Variants in M1AP observed in about 807,000 individuals in gnomAD.
The protein encoded by M1AP is meiosis 1 arrest protein.
In M1AP, 39 loss-of-function variants were observed where a neutral mutation model predicts 51.2. The observed-to-expected ratio is 0.76, with a 90% CI of 0.59 to 1.00. The LOEUF (loss-of-function observed/expected upper bound fraction) is 1.00. Ranked by LOEUF, M1AP falls within the 50% of genes least tolerant of loss-of-function variation. M1AP has a pLI of 0.00. For synonymous variants in M1AP, 251 were observed against 249.2 expected, an observed-to-expected ratio of 1.01 and a Z score of -0.07; for missense variants, 545 against 641.2, an observed-to-expected ratio of 0.85 and a Z score of 1.62.
chr2:74,576,291 G>A (rs1679061302), intron 6 of M1AP, among the ~76,000 whole-genome samples, 165 bp downstream of exon 6: 1 of 152,208 alleles, frequency 6.6e-6, no homozygotes, highest in African/African-American at 2.4e-5. Context: ...TCCACATGCT[G>A]AGTAGCCTGT....
chr2:74,621,770 G>T (rs907226011), intron 2 of M1AP, among the ~76,000 whole-genome samples: 4 of 151,800 alleles, frequency 2.6e-5, no homozygotes, highest in Admixed American at 2.6e-4. Flanking sequence ...TCCAGCCTGG[G>T]AAACAGAGCG....
chr2:74,559,323 A>G (rs1290433411), intron 10 of M1AP, among the ~76,000 whole-genome samples: 1 of 151,960 alleles, frequency 6.6e-6, no homozygotes, highest in Non-Finnish European at 1.5e-5. Context: ...ACTCCTGGCT[A>G]ATTTTTTTTG....
intron 7 of M1AP, among the ~76,000 whole-genome samples, chr2:74,563,022 G>C (rs1029366268): frequency 8.5e-5 from 13 of 152,138 alleles, no homozygotes; most frequent in African/African-American, 1.2e-4. Flanking sequence ...AAGTCTGGTT[G>C]TTTGCTAACA....
intron 4 of M1AP, among the ~76,000 whole-genome samples, chr2:74,585,838 T>A (rs1415592573): frequency 6.6e-6 from 1 of 152,250 alleles, no homozygotes; most frequent in Non-Finnish European, 1.5e-5. Context: ...ATTATGGCAG[T>A]AGCTTCTTAA....
In M1AP at chr2:74,581,739, T is replaced by C. The variant is rs753413001; in HGVS notation, c.704A>G (p.Glu235Gly). 1 of 1,614,138 alleles carries C rather than the reference T, an allele frequency of 6.2e-7. No individual in the cohort carries two copies. The highest frequency in any genetic ancestry group is 1.7e-5 in the Admixed American group (1 of 60,022). Reference sequence around the variant, plus strand: ...TGAAGAAAGAAGAAGATGGATTTGTTCTTGGTCTGTTCCACTGTTATGTAG... The same window carrying C: ...TGAAGAAAGAAGAAGATGGATTTGTCCTTGGTCTGTTCCACTGTTATGTAG... ...AWLHNSGTDQ[E>G]QIHLLLSSQC... Residue 235 changes from glutamate to glycine, a missense_variant, in exon 5 of 11, where the codon GAA (glutamate) becomes GGA (glycine). By Grantham distance (98) the Glu-to-Gly change is moderately conservative (BLOSUM62 -2). Coordinates refer to ENST00000421985, the MANE Select transcript of M1AP (RefSeq NM_001321739.2).
At chr2:74,645,579 G>A (rs1039848814) in intron 1 of M1AP, among the ~76,000 whole-genome samples, 2 of 152,152 alleles carry the variant, frequency 1.3e-5, no homozygotes, top group Non-Finnish European at 2.9e-5. Flanking sequence ...GCAACACTCA[G>A]AAGTTACCAT....
At position 74,560,193 on chromosome 2, in the gene M1AP, CT is replaced by C. The variant is rs757186478; in HGVS notation, c.1379del (p.Gln460ArgfsTer37). 27 of 1,613,852 alleles carry C rather than the reference CT, an allele frequency of 1.7e-5. No homozygotes were observed. In the African/African-American group the frequency reaches 2.8e-4, roughly 17 times the overall value. On this transcript the variant is annotated frameshift_variant, in exon 9 of 11. Coordinates refer to ENST00000421985, the MANE Select transcript of M1AP (RefSeq NM_001321739.2). LOFTEE classifies it high-confidence loss of function. ...TCTCCCAGTGTGGGTGGAGCCGCCC[CT>C]GAGGCTTGGCATAGATGCTGCTCAG... ...SHLSSIYAKP[Q>X]GRLHPHWESR...
chr2:74,630,693 T>G (rs896697319), intron 2 of M1AP, among the ~76,000 whole-genome samples: 2 of 151,824 alleles, frequency 1.3e-5, no homozygotes, highest in East Asian at 3.8e-4. Flanking sequence ...TAGTATTCCA[T>G]GGTGTGTATG....
Position 74,559,247 on chromosome 2 carries a change from C to T in M1AP, c.1435-373G>A, listed in dbSNP as rs192786357. On this transcript the variant is annotated intron_variant, in intron 10 of 10. Coordinates refer to ENST00000421985, the MANE Select transcript of M1AP (RefSeq NM_001321739.2). ...AATCTTGGCTCACTGCAGCCTTGACCTCCTGGGCTCAAGCAATCCCCCGAC... is the reference window on the plus strand; with the variant it reads ...AATCTTGGCTCACTGCAGCCTTGACTTCCTGGGCTCAAGCAATCCCCCGAC... 2.0e-5 allele frequency among the ~76,000 whole-genome samples: 3 copies of T among 152,252 alleles called. No homozygotes were observed. The East Asian group carries it at 5.8e-4, about 29-fold the overall frequency.
chr2:74,631,229 G>A (rs553199588), intron 2 of M1AP, among the ~76,000 whole-genome samples: 1 of 152,212 alleles, frequency 6.6e-6, no homozygotes, highest in South Asian at 2.1e-4. Context: ...ACAGCTTTTA[G>A]AAAATCACTT....
intron 4 of M1AP, among the ~76,000 whole-genome samples, chr2:74,583,213 T>C (rs1341985658): frequency 6.6e-6 from 1 of 152,150 alleles, no homozygotes; most frequent in Non-Finnish European, 1.5e-5. Context: ...AAATGTGTTC[T>C]ATTACTACTT....
intron 2 of M1AP, chr2:74,620,588 T>G (rs573452997): frequency 5.7e-6 from 1 of 174,110 alleles, no homozygotes; most frequent in Non-Finnish European, 1.3e-5. Context: ...GCTACTGCAA[T>G]GCAAAGAAAA....
At chr2:74,638,890 A>G (rs1233955393) in intron 2 of M1AP, among the ~76,000 whole-genome samples, 2 of 152,248 alleles carry the variant, frequency 1.3e-5, no homozygotes, top group Non-Finnish European at 2.9e-5. Context: ...ACAGCAATAA[A>G]CAATGAATAG....
chr2:74,641,973 G>A (rs1182640778), intron 1 of M1AP, among the ~76,000 whole-genome samples: 1 of 151,866 alleles, frequency 6.6e-6, no homozygotes, highest in Non-Finnish European at 1.5e-5. Flanking sequence ...AGCCTCCTGA[G>A]TAGCTGGGAT....
At chr2:74,587,549 C>T (rs1679787277) in intron 4 of M1AP, among the ~76,000 whole-genome samples, 1 of 152,154 alleles carries the variant, frequency 6.6e-6, no homozygotes, top group South Asian at 2.1e-4. Context: ...GCTTTCTACC[C>T]CCGACTACCA....
chr2:74,580,523 C>A (rs565359810), intron 5 of M1AP, among the ~76,000 whole-genome samples: 251 of 152,286 alleles, frequency 1.6e-3, no homozygotes, highest in African/African-American at 5.8e-3. Flanking sequence ...TGACGGCCAT[C>A]CCTAGACAGA....
Position 74,565,004 on chromosome 2 carries a change from T to A in M1AP, c.1075-2581A>T, listed in dbSNP as rs1038599023. Among the ~76,000 whole-genome samples the A allele has an allele frequency of 8.5e-5, 13 of 152,282 alleles. 1 individual carries two copies. Among genetic ancestry groups the A allele is most frequent in the Admixed American group, 8.5e-4 (13 of 15,294 alleles). The stretch of plus-strand genomic sequence containing the variant: ...GGGAAGCTGAGGCGGGCAGATCAAC[T>A]GAGGTTAGGAGTTTGAGACCAGTCT... On this transcript the variant is annotated intron_variant, in intron 7 of 10. Coordinates refer to ENST00000421985, the MANE Select transcript of M1AP (RefSeq NM_001321739.2).
chr2:74,593,432 G>T (rs1680158321), intron 4 of M1AP, among the ~76,000 whole-genome samples: 2 of 152,124 alleles, frequency 1.3e-5, no homozygotes, highest in Non-Finnish European at 2.9e-5. Flanking sequence ...TCAGGCTGGA[G>T]TACAGTGGTG....
chr2:74,622,426 C>T (rs1329621348), intron 2 of M1AP, among the ~76,000 whole-genome samples: 1 of 151,620 alleles, frequency 6.6e-6, no homozygotes, highest in Non-Finnish European at 1.5e-5. Flanking sequence ...TTAGTAGAGA[C>T]GGGGTTTCGC....
Sources: gnomAD v4.1 joint callset for allele counts (sites outside exome capture counted in the v4.1 genomes callset) on GRCh38, gnomAD v4.1.1 for gene constraint, MANE v1.5 for transcripts, NCBI Gene and HGNC (gene_info 2026-07-23, HGNC 2026-07-21) for gene names.